D2HGDH: variants seen among roughly 807,000 people sequenced by gnomAD.
D2HGDH encodes D-2-hydroxyglutarate dehydrogenase, mitochondrial.
Under a neutral mutation model 46.9 loss-of-function variants are expected in D2HGDH, and 31 were observed. The observed-to-expected ratio is 0.66, with a 90% CI of 0.50 to 0.89. The LOEUF (loss-of-function observed/expected upper bound fraction) is 0.89, where lower values mean the gene tolerates loss of function less well. Among genes scored for constraint, D2HGDH ranks in the 40% least tolerant of loss-of-function variants. The pLI is 0.00. For synonymous variants in D2HGDH, 364 were observed against 332.6 expected, an observed-to-expected ratio of 1.09 and a Z score of -1.03; for missense variants, 698 against 720.8, an observed-to-expected ratio of 0.97 and a Z score of 0.36.
At chr2:241,761,634 C>T (rs1338254219) in intron 9 of D2HGDH, among the ~76,000 whole-genome samples, 5 of 152,298 alleles carry the variant, frequency 3.3e-5, no homozygotes, top group South Asian at 2.1e-4. Context: ...TTTTGATATC[C>T]GAGGGGTCCT....
intron 8 of D2HGDH, chr2:241,755,066 A>G (rs2125154189): frequency 1.5e-6 from 2 of 1,302,584 alleles, no homozygotes; most frequent in Non-Finnish European, 2.0e-6. Flanking sequence ...GGAAGTTCGA[A>G]GCAAGCAAAA....
chr2:241,751,162 T>C, intron 7 of D2HGDH, 84 bp from the exon 8 acceptor site: 2 of 1,589,404 alleles, frequency 1.3e-6, no homozygotes, highest in Non-Finnish European at 8.6e-7. Context: ...TGGTTGCTAT[T>C]ACAGCTGTTC....
chr2:241,750,481 CAA>C (rs1238426290), intron 7 of D2HGDH, among the ~76,000 whole-genome samples, 187 bp downstream of exon 7: 6 of 152,220 alleles, frequency 3.9e-5, no homozygotes, highest in Non-Finnish European at 8.8e-5. Flanking sequence ...ATATTTAGGA[CAA>C]AGAACAGGCT....
intron 8 of D2HGDH, chr2:241,754,883 G>GTGAGCCAC (rs1697912263): frequency 3.1e-6 from 2 of 651,172 alleles, no homozygotes; most frequent in Admixed American, 7.6e-5. Flanking sequence ...GAATACAGGC[G>GTGAGCCAC]TGAGCCACTG....
intron 2 of D2HGDH, 76 bp downstream of exon 2, chr2:241,735,592 G>C: frequency 6.3e-7 from 1 of 1,576,752 alleles, no homozygotes. Context: ...CTTCAAAGCG[G>C]GCTGAGAACA....
At chr2:241,740,755 G>A (rs954201048) in intron 2 of D2HGDH, among the ~76,000 whole-genome samples, 9 of 152,320 alleles carry the variant, frequency 5.9e-5, no homozygotes, top group Admixed American at 1.3e-4. Flanking sequence ...GACCAGCCTG[G>A]CCAATGTGGT....
chr2:241,750,899 G>A (rs550125785), intron 7 of D2HGDH, among the ~76,000 whole-genome samples: 161 of 152,106 alleles, frequency 1.1e-3, no homozygotes, highest in African/African-American at 3.6e-3. Context: ...CTGGGATTAC[G>A]GGCACCTGCC....
At chr2:241,755,109 C>T in intron 8 of D2HGDH, 1 of 1,304,138 alleles carries the variant, frequency 7.7e-7, no homozygotes, top group Non-Finnish European at 1.0e-6. Context: ...CTGTCTGAGC[C>T]CTAGGATTTG....
chr2:241,767,646 G>C (rs1451761251), intron 9 of D2HGDH, 64 bp from the exon 10 acceptor site: 1 of 1,607,966 alleles, frequency 6.2e-7, no homozygotes, highest in African/African-American at 1.3e-5. Flanking sequence ...GGGGCTGTTG[G>C]GGGAGGAGTG....
At chr2:241,735,704 C>G (rs1169332226) in intron 2 of D2HGDH, among the ~76,000 whole-genome samples, 188 bp downstream of exon 2, 1 of 152,176 alleles carries the variant, frequency 6.6e-6, no homozygotes, top group African/African-American at 2.4e-5. Context: ...TAGAACAACC[C>G]AAGTTTTGTT....
intron 6 of D2HGDH, chr2:241,748,760 G>A: frequency 9.3e-7 from 1 of 1,074,644 alleles, no homozygotes; most frequent in Non-Finnish European, 1.2e-6. Context: ...GGGCAGCCTT[G>A]ACTGCTTCTG....
chr2:241,767,594 T>G lies in D2HGDH; in HGVS notation c.1307-116T>G, dbSNP rs1466316165. 5 of 1,440,912 alleles carry G rather than the reference T, an allele frequency of 3.5e-6. No individual in the cohort carries two copies. The Admixed American group carries it at 8.0e-5, about 23-fold the overall frequency. The allele number at this position is 1,440,912 out of a possible 1,614,324, so 89.3% of individuals were successfully genotyped here. A position where few individuals can be genotyped will look rare whatever the true frequency, so the allele number is the denominator to read the frequency against. On this transcript the variant is annotated intron_variant, in intron 9 of 9. Coordinates refer to ENST00000321264, the MANE Select transcript of D2HGDH (RefSeq NM_152783.5). The stretch of plus-strand genomic sequence containing the variant: ...AGGGCGAGTGGCATGAGGGTGAGGC[T>G]CAGCCGGGGGTCTCGGGGTTGCTGG...
At chr2:241,755,495 C>T in intron 8 of D2HGDH, 14 of 1,338,576 alleles carry the variant, frequency 1.0e-5, no homozygotes, top group Non-Finnish European at 1.4e-5. Flanking sequence ...CCTCCCCCTT[C>T]CGTCATGGCT....
At position 241,751,422 on chromosome 2, in the gene D2HGDH, C is replaced by T. The variant is rs761737303; in HGVS notation, c.1140+34C>T. On this transcript the variant is annotated intron_variant, in intron 8 of 9. Transcript: ENST00000321264. The stretch of plus-strand genomic sequence containing the variant: ...TGTCCTGCTTGCAGGTCCCCGCTCT[C>T]TGTCCGTCCAGTCCAGCCTTGTCTT... The T allele has an allele frequency of 1.6e-5, 26 of 1,610,992 alleles. No homozygotes were observed. The South Asian group carries it at 2.6e-4, about 16-fold the overall frequency.
Position 241,735,536 on chromosome 2 carries a change from C to G in D2HGDH, c.292+20C>G. The G allele has an allele frequency of 6.2e-7, 1 of 1,601,620 alleles. No individual in the cohort carries two copies. Among genetic ancestry groups the G allele is most frequent in the Non-Finnish European group, 8.5e-7 (1 of 1,179,498 alleles). ...TGCGAGGTGGGTGAGGCTTGGGAAG[C>G]TGCGGCGTTTCCGCGTCCCTGCTCC... On this transcript the variant is annotated intron_variant, in intron 2 of 9. Transcript: ENST00000321264.
chr2:241,762,468 T>C (rs934483164), intron 9 of D2HGDH, among the ~76,000 whole-genome samples: 2 of 152,210 alleles, frequency 1.3e-5, no homozygotes, highest in Non-Finnish European at 1.5e-5. Flanking sequence ...GAGTGTTTGT[T>C]TACCTGCCTG....
chr2:241,744,861 G>A lies in D2HGDH; in HGVS notation c.837G>A (p.Val279=), dbSNP rs753374454. ...SILCPPKPRA[V]NVAFLGCPGF... Reference sequence around the variant, plus strand: ...TGTGTCCACCCAAGCCCAGGGCTGTGAACGTGGCTTTCCTCGGTGGGCTTC... The same window carrying A: ...TGTGTCCACCCAAGCCCAGGGCTGTAAACGTGGCTTTCCTCGGTGGGCTTC... Residue 279 remains valine (V), a synonymous_variant, in exon 6 of 10, where the codon GTG becomes GTA. Transcript: ENST00000321264. 8.7e-6 allele frequency: 14 copies of A among 1,614,164 alleles called. No individual in the cohort carries two copies. Among genetic ancestry groups the A allele is most frequent in the Non-Finnish European group, 1.1e-5 (13 of 1,180,010 alleles).
In D2HGDH at chr2:241,749,039, G is replaced by A. The variant is rs771852703; in HGVS notation, c.854-1112G>A. ...GATGGTCCTGGTGTCCCTCGTGCTC[G>A]TGGGCTCGGTCCAGCTCTCCAGGGC... On this transcript the variant is annotated intron_variant, in intron 6 of 9. Coordinates refer to ENST00000321264, the MANE Select transcript of D2HGDH (RefSeq NM_152783.5). The A allele has an allele frequency of 1.3e-5, 13 of 1,000,590 alleles. 1 individual carries two copies. The South Asian group carries it at 1.6e-4, about 12-fold the overall frequency. The allele number at this position is 1,000,590 out of a possible 1,614,324, so 62.0% of individuals were successfully genotyped here. A position where few individuals can be genotyped will look rare whatever the true frequency, so the allele number is the denominator to read the frequency against.
chr2:241,748,760 G>T (rs1381921518), intron 6 of D2HGDH: 47 of 1,074,526 alleles, frequency 4.4e-5, no homozygotes, highest in Non-Finnish European at 5.5e-5. Context: ...GGGCAGCCTT[G>T]ACTGCTTCTG....
Sources: gnomAD v4.1 joint callset for allele counts (sites outside exome capture counted in the v4.1 genomes callset) on GRCh38, gnomAD v4.1.1 for gene constraint, MANE v1.5 for transcripts, NCBI Gene and HGNC (gene_info 2026-07-23, HGNC 2026-07-21) for gene names.